The following PUDP variants were observed in gnomAD, a reference collection of about 807,000 sequenced individuals.
The protein encoded by PUDP is pseudouridine-5'-phosphatase.
PUDP carries 8 observed loss-of-function variants against 9.4 expected under a neutral mutation model. The observed-to-expected ratio is 0.85, with a 90% confidence interval of 0.50 to 1.53. PUDP has a LOEUF of 1.53. PUDP is among the 40% of genes most tolerant of loss of function. The pLI, the probability that PUDP is intolerant of heterozygous loss-of-function variation, is 0.00. For missense variants in PUDP, 188 were observed against 189.7 expected (o/e 0.99, Z 0.05); for synonymous variants, 99 against 80.7 (o/e 1.23, Z -1.22).
intron 3 of PUDP, among the ~76,000 whole-genome samples, chrX:6,901,744 G>A (rs1368936398): frequency 2.7e-5 from 3 of 112,903 alleles, no homozygotes; most frequent in Non-Finnish European, 5.6e-5. Context: ...TTGCCACAAA[G>A]ACCCTGCATT....
Position 6,916,239 on chromosome X carries a change from CA to C in PUDP, c.*247+60893del, listed in dbSNP as rs1569122783. Among the ~76,000 whole-genome samples, 413 of 84,257 alleles carry C rather than the reference CA, an allele frequency of 4.9e-3. 11 individuals carry two copies. The highest frequency in any genetic ancestry group is 0.019 in the African/African-American group (382 of 20,631). 73.2% of individuals were successfully genotyped at this position (84,257 alleles called of 115,157 possible). A position where few individuals can be genotyped will look rare whatever the true frequency, so the allele number is the denominator to read the frequency against. On this transcript the variant is annotated intron_variant and NMD_transcript_variant, in intron 3 of 3. Transcript: ENST00000655425. ...ACACACACACACACACACACACACACACACACACACCCTGGGGAACTGGTAA... is the reference window on the plus strand; with the variant it reads ...ACACACACACACACACACACACACACCACACACACCCTGGGGAACTGGTAA...
intron 3 of PUDP, among the ~76,000 whole-genome samples, chrX:6,958,765 A>G (rs942756909): frequency 3.2e-4 from 31 of 97,440 alleles, no homozygotes; most frequent in Admixed American, 1.9e-3. Flanking sequence ...AAAAAAAAAA[A>G]AGAGAAAAGG....
At chrX:6,971,167 C>T (rs142356639) in intron 3 of PUDP, among the ~76,000 whole-genome samples, 34 of 111,688 alleles carry the variant, frequency 3.0e-4, no homozygotes, top group African/African-American at 1.1e-3. Context: ...CATGTTCATG[C>T]GCCACCTGAC....
intron 2 of PUDP, among the ~76,000 whole-genome samples, chrX:7,078,979 A>T (rs1931001586): frequency 8.9e-6 from 1 of 112,281 alleles, no homozygotes; most frequent in Admixed American, 9.5e-5. Flanking sequence ...TTAGCAGATC[A>T]TGACCTTATG....
chrX:6,781,055 C>A (rs1411953524), intron 3 of PUDP, among the ~76,000 whole-genome samples: 2 of 110,349 alleles, frequency 1.8e-5, no homozygotes, highest in African/African-American at 6.6e-5. Context: ...AAAACAAAAA[C>A]AACAAAAATG....
chrX:6,822,691 T>G (rs1231037273), intron 3 of PUDP, among the ~76,000 whole-genome samples: 137 of 44,229 alleles, frequency 3.1e-3, no homozygotes, highest in African/African-American at 0.018. Context: ...TCCCAAAGTG[T>G]TTTTTTTTTT....
At chrX:6,831,004 G>A (rs1428802562) in intron 3 of PUDP, among the ~76,000 whole-genome samples, 2 of 111,360 alleles carry the variant, frequency 1.8e-5, no homozygotes, top group Non-Finnish European at 3.8e-5. Flanking sequence ...GGGAATCAAG[G>A]CTTTTATGGG....
intron 1 of PUDP, among the ~76,000 whole-genome samples, chrX:6,707,770 C>T (rs933177164): frequency 8.9e-6 from 1 of 111,928 alleles, no homozygotes; most frequent in African/African-American, 3.2e-5. Flanking sequence ...GGCCACAGAC[C>T]CGTCAGTGGC....
intron 3 of PUDP, among the ~76,000 whole-genome samples, chrX:6,933,802 T>C (rs1294610321): frequency 9.0e-6 from 1 of 111,237 alleles, no homozygotes; most frequent in Non-Finnish European, 1.9e-5. Flanking sequence ...CTGATGGAGC[T>C]GAAAACCAAG....
At chrX:7,033,711 G>T (rs147491255) in intron 1 of PUDP, among the ~76,000 whole-genome samples, 1,985 of 111,410 alleles carry the variant, frequency 0.018, 43 homozygotes, top group African/African-American at 0.06. Context: ...GCCAAAGGTG[G>T]TGATGACAAA....
chrX:6,718,027 TTCTG>T (rs1924620019), intron 1 of PUDP, among the ~76,000 whole-genome samples: 1 of 111,784 alleles, frequency 8.9e-6, no homozygotes, highest in Admixed American at 9.6e-5. Flanking sequence ...TTTTCATGTC[TTCTG>T]TCTACTTTTT....
At chrX:6,946,769 T>G (rs1464782238) in intron 3 of PUDP, among the ~76,000 whole-genome samples, 1 of 111,852 alleles carries the variant, frequency 8.9e-6, no homozygotes, top group Non-Finnish European at 1.9e-5. Flanking sequence ...TGGAAAAACA[T>G]TAAAAGTTTT....
chrX:6,954,539 G>T (rs1569130231), intron 3 of PUDP, among the ~76,000 whole-genome samples: 1 of 111,652 alleles, frequency 9.0e-6, no homozygotes, highest in Admixed American at 9.5e-5. Context: ...TAGAGGGGCA[G>T]TCCTCCAGGC....
intron 3 of PUDP, among the ~76,000 whole-genome samples, chrX:6,850,920 G>A (rs1032198007): frequency 8.9e-6 from 1 of 112,179 alleles, no homozygotes; most frequent in African/African-American, 3.2e-5. Context: ...TTATTCATCT[G>A]ACAGTAATAG....
At chrX:7,098,176 T>TA (rs1214690736) in intron 2 of PUDP, among the ~76,000 whole-genome samples, 2 of 112,429 alleles carry the variant, frequency 1.8e-5, no homozygotes, top group African/African-American at 6.5e-5. Flanking sequence ...CCCCAGGTGT[T>TA]AGTCTGTTTG....
intron 3 of PUDP, among the ~76,000 whole-genome samples, chrX:6,759,715 T>A (rs1361331610): frequency 8.9e-6 from 1 of 112,063 alleles, no homozygotes; most frequent in African/African-American, 3.2e-5. Flanking sequence ...TTTATTCTGA[T>A]CTTTTCCTTT....
chrX:6,914,383 A>C (rs140565303), intron 3 of PUDP, among the ~76,000 whole-genome samples: 1 of 111,351 alleles, frequency 9.0e-6, no homozygotes, highest in East Asian at 2.8e-4. Flanking sequence ...AGACCCTTTG[A>C]CAAGGATGAA....
intron 3 of PUDP, among the ~76,000 whole-genome samples, chrX:6,918,652 T>C (rs1347075386): frequency 8.9e-6 from 1 of 111,895 alleles, no homozygotes; most frequent in Admixed American, 9.5e-5. Flanking sequence ...GCAGATTCAG[T>C]GTCTAGTGAG....
intron 3 of PUDP, among the ~76,000 whole-genome samples, chrX:6,829,256 A>C (rs1926469801): frequency 9.0e-6 from 1 of 111,207 alleles, no homozygotes; most frequent in African/African-American, 3.3e-5. Context: ...GAATGGATTA[A>C]GACACTTATA....
Sources: allele counts gnomAD v4.1 joint callset (sites outside exome capture counted in the v4.1 genomes callset), GRCh38; gene constraint gnomAD v4.1.1; transcripts MANE v1.5; gene names NCBI Gene and HGNC (gene_info 2026-07-23, HGNC 2026-07-21).